The following LRTM3 variants were observed in gnomAD, a reference collection of about 807,000 sequenced individuals.
LRTM3 encodes the protein leucine-rich repeat transmembrane protein 3.
chr13:102,732,373 C>T, the LRTM3 span: 1 of 1,551,384 alleles, frequency 6.4e-7, no homozygotes, highest in Non-Finnish European at 8.7e-7. Flanking sequence ...TGATATTAAG[C>T]ATCTGTGGAA....
chr13:102,749,143 C>T, the LRTM3 span: 2 of 1,550,466 alleles, frequency 1.3e-6, no homozygotes, highest in East Asian at 2.4e-5. Context: ...TGCATCCTAA[C>T]TCATTCCTAT....
the LRTM3 span, chr13:102,733,748 T>C: frequency 6.4e-7 from 1 of 1,551,386 alleles, no homozygotes; most frequent in Non-Finnish European, 8.7e-7. Context: ...AACTAACTGA[T>C]TCAAATCTTC....
the LRTM3 span, chr13:102,734,171 TG>T: frequency 6.4e-7 from 1 of 1,551,472 alleles, no homozygotes; most frequent in African/African-American, 1.4e-5. Flanking sequence ...CTCTTGGCAG[TG>T]TATCCTGAAC....
the LRTM3 span, among the ~76,000 whole-genome samples, chr13:102,756,673 T>TAAAAAA: frequency 3.1e-3 from 207 of 66,792 alleles, no homozygotes; most frequent in Non-Finnish European, 4.6e-3. Flanking sequence ...AAACTCTGTC[T>TAAAAAA]AAAAAAAAAA....
At chr13:102,738,432 C>T in the LRTM3 span, 44 of 1,550,630 alleles carry the variant, frequency 2.8e-5, no homozygotes, top group African/African-American at 1.5e-4. Flanking sequence ...GGAATGGAAG[C>T]GCAGGCATTT....
the LRTM3 span, chr13:102,734,442 G>A: frequency 1.3e-6 from 2 of 1,551,334 alleles, no homozygotes; most frequent in Non-Finnish European, 1.7e-6. Context: ...ATACCTGGTG[G>A]TTTATCTTGA....
the LRTM3 span, chr13:102,732,786 C>G: frequency 6.4e-7 from 1 of 1,551,326 alleles, no homozygotes; most frequent in Non-Finnish European, 8.7e-7. Flanking sequence ...CTGTTTGTGC[C>G]TATTTTTAAT....
the LRTM3 span, chr13:102,749,540 A>G: frequency 1.9e-6 from 3 of 1,551,302 alleles, no homozygotes; most frequent in Admixed American, 3.9e-5. Flanking sequence ...ATCAGACTCC[A>G]GGCCCTTTAC....
At chr13:102,742,027 T>G in the LRTM3 span, 8 of 1,550,290 alleles carry the variant, frequency 5.2e-6, no homozygotes, top group Admixed American at 7.9e-5. Context: ...TTTCTTTTAG[T>G]GGTTTCTCCA....
the LRTM3 span, chr13:102,743,177 A>G: frequency 6.4e-7 from 1 of 1,550,652 alleles, no homozygotes; most frequent in South Asian, 1.2e-5. Context: ...TCTATCATGT[A>G]GTTTTGCTCC....
the LRTM3 span, chr13:102,730,154 C>A: frequency 6.5e-7 from 1 of 1,550,072 alleles, no homozygotes. Flanking sequence ...GGTTTCCTTT[C>A]TGCACTCTCT....
the LRTM3 span, among the ~76,000 whole-genome samples, chr13:102,756,814 T>G: frequency 6.6e-6 from 1 of 151,974 alleles, no homozygotes; most frequent in Non-Finnish European, 1.5e-5. Context: ...TCTCTAATCC[T>G]TTTTCTTCAA....
chr13:102,731,922 GT>G, the LRTM3 span: 4 of 1,549,772 alleles, frequency 2.6e-6, no homozygotes, highest in African/African-American at 5.5e-5. Flanking sequence ...CGTAAGTCTG[GT>G]TTTTTAATGA....
the LRTM3 span, chr13:102,743,405 A>G: frequency 1.3e-6 from 2 of 1,550,552 alleles, no homozygotes; most frequent in Non-Finnish European, 1.7e-6. Context: ...ACCTTGCCAC[A>G]TTGCTTTCAG....
the LRTM3 span, chr13:102,729,815 TCGTGGTC>T: frequency 6.4e-7 from 1 of 1,551,924 alleles, no homozygotes; most frequent in African/African-American, 1.4e-5. Flanking sequence ...ACAACTGTAA[TCGTGGTC>T]CCAATGACTG....
chr13:102,745,019 G>A, the LRTM3 span: 3 of 1,550,658 alleles, frequency 1.9e-6, no homozygotes, highest in African/African-American at 2.7e-5. Flanking sequence ...TGAATTTACT[G>A]TACATATTGT....
the LRTM3 span, chr13:102,741,195 G>A: frequency 7.1e-6 from 11 of 1,549,302 alleles, no homozygotes; most frequent in Admixed American, 5.9e-5. Context: ...TCCATTTTCT[G>A]TCTATTTGAT....
chr13:102,756,173 G>A, the LRTM3 span, among the ~76,000 whole-genome samples: 38 of 150,628 alleles, frequency 2.5e-4, no homozygotes, highest in Non-Finnish European at 5.2e-4. Flanking sequence ...GGCTGGTTTC[G>A]AACTCCTGAC....
At chr13:102,730,043 T>A in the LRTM3 span, 12 of 1,551,452 alleles carry the variant, frequency 7.7e-6, no homozygotes, top group Admixed American at 1.2e-4. Flanking sequence ...TTCCGCAGTA[T>A]TTGATGAACT....
Sources: gnomAD v4.1 joint callset for allele counts (sites outside exome capture counted in the v4.1 genomes callset) on GRCh38, gnomAD v4.1.1 for gene constraint, MANE v1.5 for transcripts, NCBI Gene and HGNC (gene_info 2026-07-23, HGNC 2026-07-21) for gene names.